ELP1: variants seen among roughly 807,000 people sequenced by gnomAD.
ELP1 encodes the protein elongator complex protein 1.
Under a neutral mutation model 183.2 loss-of-function variants are expected in ELP1, and 131 were observed. That is an observed-to-expected ratio of 0.72 (90% CI 0.62 to 0.83). The LOEUF is 0.83. Ranked by LOEUF, ELP1 falls within the 40% of genes least tolerant of loss-of-function variation. The pLI is 0.00. For synonymous variants in ELP1, 555 were observed against 569.0 expected, an observed-to-expected ratio of 0.98 and a Z score of 0.35; for missense variants, 1,550 against 1,594.9, an observed-to-expected ratio of 0.97 and a Z score of 0.48.
At chr9:108,915,598 T>C (rs1469046764) in intron 10 of ELP1, among the ~76,000 whole-genome samples, 1 of 152,126 alleles carries the variant, frequency 6.6e-6, no homozygotes, top group Admixed American at 6.5e-5. Flanking sequence ...AAACTTGCCA[T>C]CCCCTACATT....
Position 108,868,179 on chromosome 9 carries a change from A to C in ELP1, c.*936T>G, listed in dbSNP as rs1827305893. ...GAAAGGTCTGGTTCTGATATTTAAA[A>C]CATGGAAGAATTTTTAATCAGAATG... On this transcript the variant is annotated 3_prime_UTR_variant, in exon 37 of 37. Transcript: ENST00000374647. 1 of 152,246 alleles carries C rather than the reference A, an allele frequency of 6.6e-6. No homozygotes were observed. Among genetic ancestry groups the C allele is most frequent in the African/African-American group, 2.4e-5 (1 of 41,458 alleles). 9.4% of individuals were successfully genotyped at this position (152,246 alleles called of 1,614,324 possible). A position where few individuals can be genotyped will look rare whatever the true frequency, so the allele number is the denominator to read the frequency against.
intron 36 of ELP1, among the ~76,000 whole-genome samples, chr9:108,869,627 A>G (rs1440082732): frequency 1.3e-5 from 2 of 152,352 alleles, no homozygotes; most frequent in Non-Finnish European, 2.9e-5. Context: ...GAACTACTTT[A>G]TGATGAAACT....
chr9:108,911,934 A>G (rs2132015636), intron 11 of ELP1, among the ~76,000 whole-genome samples: 1 of 152,302 alleles, frequency 6.6e-6, no homozygotes, highest in African/African-American at 2.4e-5. Context: ...TGTCAGGGCA[A>G]ACAGATAAAG....
At chr9:108,908,172 G>A in intron 13 of ELP1, 133 bp downstream of exon 13, 2 of 717,044 alleles carry the variant, frequency 2.8e-6, no homozygotes, top group Non-Finnish European at 2.5e-6. Flanking sequence ...AGATCCGAAA[G>A]TCAGGGCCTG....
chr9:108,892,318 C>T (rs1828372408), intron 27 of ELP1, among the ~76,000 whole-genome samples: 2 of 152,144 alleles, frequency 1.3e-5, no homozygotes, highest in Non-Finnish European at 2.9e-5. Context: ...GTAGAACTAC[C>T]TACAAGTAAC....
chr9:108,898,637 G>A (rs781416666), intron 21 of ELP1, 34 bp downstream of exon 21: 1 of 1,595,820 alleles, frequency 6.3e-7, no homozygotes, highest in Non-Finnish European at 8.6e-7. Context: ...TAAGTACAAA[G>A]TAAGCTAGAG....
At chr9:108,891,568 C>T (rs1157802111) in intron 27 of ELP1, among the ~76,000 whole-genome samples, 164 bp from the exon 28 acceptor site, 3 of 152,118 alleles carry the variant, frequency 2.0e-5, no homozygotes, top group Admixed American at 1.3e-4. Context: ...CATTCAAAAC[C>T]TTACTGAGGA....
chr9:108,889,410 C>T lies in ELP1; in HGVS notation c.3161-17G>A, dbSNP rs933611776. 5.0e-6 allele frequency: 8 copies of T among 1,611,900 alleles called. No homozygotes were observed. Among genetic ancestry groups the T allele is most frequent in the Non-Finnish European group, 6.8e-6 (8 of 1,178,092 alleles). On this transcript the variant is annotated splice_polypyrimidine_tract_variant and intron_variant, in intron 28 of 36. Transcript: ENST00000374647. ...CCAGCTTTCCTGTAGAGACAATAAG[C>T]AGCAGTTGACTACAAAGTTAAACAG...
intron 14 of ELP1, 100 bp from the exon 15 acceptor site, chr9:108,903,769 C>T (rs1828910228): frequency 3.8e-6 from 3 of 799,016 alleles, no homozygotes; most frequent in African/African-American, 1.7e-5. Flanking sequence ...TTTGATGCTG[C>T]ACTACCTACT....
intron 25 of ELP1, among the ~76,000 whole-genome samples, chr9:108,894,674 G>C (rs1385305349): frequency 6.6e-6 from 1 of 152,170 alleles, no homozygotes; most frequent in East Asian, 1.9e-4. Flanking sequence ...TTCAACAAAT[G>C]CATCTAAGTT....
In ELP1 at chr9:108,897,253, G is replaced by T; in HGVS notation, c.2396C>A (p.Ala799Glu). Reference protein sequence around the residue: ...EEDVTKTMYPAPVTSSVYLSR... With the variant: ...EEDVTKTMYPEPVTSSVYLSR... The stretch of plus-strand genomic sequence containing the variant: ...CAGGTAGACACTGCTGGTAACTGGT[G>T]CAGGGTACATGGTCTTCGTGACATC... The change falls in exon 23 of 37, where the codon GCA becomes GAA. Residue 799 changes from alanine to glutamate, a missense_variant. By Grantham distance (107) the Ala-to-Glu change is moderately radical. Coordinates refer to ENST00000374647, the MANE Select transcript of ELP1 (RefSeq NM_003640.5). 2 of 1,614,142 alleles carry T rather than the reference G, an allele frequency of 1.2e-6. No homozygotes were observed. The highest frequency in any genetic ancestry group is 1.7e-6 in the Non-Finnish European group (2 of 1,180,024).
At position 108,880,130 on chromosome 9, in the gene ELP1, T is replaced by G. The variant is rs1587873265; in HGVS notation, c.3382A>C (p.Thr1128Pro). 2 of 1,614,040 alleles carry G rather than the reference T, an allele frequency of 1.2e-6. No individual in the cohort carries two copies. Among genetic ancestry groups the G allele is most frequent in the Non-Finnish European group, 1.7e-6 (2 of 1,179,914 alleles). ...KNYMAFLDSQTATFSRHKKRL... is the reference protein window; with the variant it reads ...KNYMAFLDSQPATFSRHKKRL... ...TTCTTGTGGCGACTGAATGTGGCTG[T>G]CTGAGAGTCCAGAAATGCCATATAA... is the stretch of plus-strand genomic sequence containing the variant. The change falls in exon 32 of 37, where the codon ACA becomes CCA. Residue 1128 changes from threonine (T) to proline (P), a missense_variant. Transcript: ENST00000374647.
chr9:108,870,836 A>G (rs1004390192), intron 36 of ELP1, among the ~76,000 whole-genome samples: 2 of 152,116 alleles, frequency 1.3e-5, no homozygotes, highest in African/African-American at 4.8e-5. Context: ...CTTTTATGTA[A>G]TCTTCCTCAT....
In ELP1 at chr9:108,916,189, C is replaced by T. The variant is rs757593541; in HGVS notation, c.958+15G>A. The T allele has an allele frequency of 3.1e-6, 5 of 1,595,828 alleles. No homozygotes were observed. Among genetic ancestry groups the T allele is most frequent in the Non-Finnish European group, 4.3e-6 (5 of 1,163,464 alleles). On this transcript the variant is annotated intron_variant, in intron 10 of 36. Coordinates refer to ENST00000374647, the MANE Select transcript of ELP1 (RefSeq NM_003640.5). ...TTTTATGGGGCAGAAGGCTGGGGTA[C>T]TACAGCTGTCTTACCACAGGTTTTC...
At chr9:108,884,308 TG>T (rs1348535192) in intron 29 of ELP1, among the ~76,000 whole-genome samples, 2 of 152,132 alleles carry the variant, frequency 1.3e-5, no homozygotes, top group Non-Finnish European at 2.9e-5. Flanking sequence ...AGACAAATAC[TG>T]GGAGACTTCA....
At chr9:108,926,184 C>G (rs577809614) in intron 5 of ELP1, among the ~76,000 whole-genome samples, 6 of 152,322 alleles carry the variant, frequency 3.9e-5, no homozygotes, top group African/African-American at 1.4e-4. Context: ...GTAACAAAAA[C>G]CAGCCTTCTA....
chr9:108,899,681 AGAGCCTCT>A, intron 20 of ELP1, 133 bp downstream of exon 20: 3 of 659,132 alleles, frequency 4.6e-6, no homozygotes, highest in South Asian at 1.8e-5. Flanking sequence ...AAAAAAAAAA[AGAGCCTCT>A]AAGAATCTGA....
chr9:108,914,243 C>CA (rs796699284), intron 10 of ELP1, among the ~76,000 whole-genome samples: 17 of 151,628 alleles, frequency 1.1e-4, no homozygotes, highest in African/African-American at 4.1e-4. Context: ...ACCAAAAATA[C>CA]AAAAAATTAG....
rs751049765 is a variant in ELP1, at chr9:108,929,764, C to T, written c.303+5G>A. 6.2e-7 allele frequency: 1 copy of T among 1,613,964 alleles called. No individual in the cohort carries two copies. Among genetic ancestry groups the T allele is most frequent in the Non-Finnish European group, 8.5e-7 (1 of 1,180,018 alleles). The stretch of plus-strand genomic sequence containing the variant: ...ACTCCCCCCTCACTGGAGTCTTCCA[C>T]TTACCTGTTGTGTGCTGAGACTGCA... On this transcript the variant is annotated splice_donor_5th_base_variant and intron_variant, in intron 3 of 36. Transcript: ENST00000374647.
Sources: gnomAD v4.1 joint callset for allele counts (sites outside exome capture counted in the v4.1 genomes callset) on GRCh38, gnomAD v4.1.1 for gene constraint, MANE v1.5 for transcripts, NCBI Gene and HGNC (gene_info 2026-07-23, HGNC 2026-07-21) for gene names.